ADAMTSL1: variants seen among roughly 807,000 people sequenced by gnomAD.
ADAMTSL1 encodes the protein ADAMTS like 1.
ADAMTSL1 carries 126 observed loss-of-function variants against 201.8 expected under a neutral mutation model. The observed-to-expected ratio is 0.62, with a 90% CI of 0.54 to 0.72. The LOEUF (loss-of-function observed/expected upper bound fraction) is 0.72, where lower values mean the gene tolerates loss of function less well. Among genes scored for constraint, ADAMTSL1 ranks in the 30% least tolerant of loss-of-function variants. ADAMTSL1 has a pLI of 0.00. For missense variants in ADAMTSL1, 2,679 were observed against 2,277.8 expected (o/e 1.18, Z -3.59); for synonymous variants, 1,121 against 903.4 (o/e 1.24, Z -4.32).
At chr9:18,648,659 C>T (rs563251956) in intron 7 of ADAMTSL1, among the ~76,000 whole-genome samples, 5 of 151,888 alleles carry the variant, frequency 3.3e-5, no homozygotes, top group African/African-American at 1.2e-4. Context: ...CTTAGTTTGG[C>T]TGGATATGAA....
chr9:18,298,381 T>A (rs1833557750), intron 2 of ADAMTSL1, among the ~76,000 whole-genome samples: 2 of 152,106 alleles, frequency 1.3e-5, no homozygotes, highest in Admixed American at 6.5e-5. Context: ...TGACAAAAAG[T>A]GTTCTTATCC....
At chr9:18,363,284 GC>G (rs1351017292) in intron 2 of ADAMTSL1, among the ~76,000 whole-genome samples, 1 of 152,360 alleles carries the variant, frequency 6.6e-6, no homozygotes, top group East Asian at 1.9e-4. Flanking sequence ...GTTGGCCATG[GC>G]TACTGTGATT....
chr9:18,523,552 T>G (rs1013445647), intron 2 of ADAMTSL1, among the ~76,000 whole-genome samples: 4 of 152,270 alleles, frequency 2.6e-5, no homozygotes, highest in Middle Eastern at 3.4e-3. Context: ...CTAGGTTTTC[T>G]TCTAGGGTTT....
At chr9:18,310,387 A>AC (rs1834092759) in intron 2 of ADAMTSL1, among the ~76,000 whole-genome samples, 9 of 142,850 alleles carry the variant, frequency 6.3e-5, no homozygotes, top group South Asian at 2.4e-4. Context: ...AAAAAAAAAA[A>AC]AAAAAAAAAA....
intron 2 of ADAMTSL1, among the ~76,000 whole-genome samples, chr9:18,329,348 T>C (rs900947095): frequency 1.3e-5 from 2 of 152,150 alleles, no homozygotes; most frequent in Non-Finnish European, 2.9e-5. Context: ...CAGACTAAAA[T>C]ACCTTCACAC....
intron 2 of ADAMTSL1, among the ~76,000 whole-genome samples, chr9:18,211,687 T>C (rs1829877584): frequency 6.6e-6 from 1 of 152,196 alleles, no homozygotes; most frequent in Non-Finnish European, 1.5e-5. Flanking sequence ...TCTTTTATTT[T>C]AGAAGAGAAT....
At chr9:18,032,043 G>A (rs892263070) in intron 1 of ADAMTSL1, among the ~76,000 whole-genome samples, 1 of 152,166 alleles carries the variant, frequency 6.6e-6, no homozygotes, top group African/African-American at 2.4e-5. Context: ...TCTTCCCTAG[G>A]AGCAGGCCCG....
At chr9:18,146,894 T>C (rs1042954921) in intron 1 of ADAMTSL1, among the ~76,000 whole-genome samples, 3 of 152,180 alleles carry the variant, frequency 2.0e-5, no homozygotes, top group Admixed American at 6.6e-5. Flanking sequence ...TATGGTGATT[T>C]AGTGCATTGC....
At chr9:18,306,168 C>T (rs551517696) in intron 2 of ADAMTSL1, among the ~76,000 whole-genome samples, 11 of 152,270 alleles carry the variant, frequency 7.2e-5, no homozygotes, top group African/African-American at 2.4e-4. Context: ...AAGACATCCA[C>T]ACATAAACCA....
intron 1 of ADAMTSL1, among the ~76,000 whole-genome samples, chr9:18,036,447 A>G (rs1821199430): frequency 6.6e-6 from 1 of 152,196 alleles, no homozygotes; most frequent in African/African-American, 2.4e-5. Flanking sequence ...AGAAATATGC[A>G]CTTGGTCAAA....
chr9:18,775,675 C>A (rs577750555), intron 17 of ADAMTSL1, 68 bp from the exon 18 acceptor site: 2 of 1,548,864 alleles, frequency 1.3e-6, no homozygotes, highest in African/African-American at 1.4e-5. Context: ...ATGAGTTTGA[C>A]AGTCTATTAA....
intron 19 of ADAMTSL1, among the ~76,000 whole-genome samples, chr9:18,792,761 T>C (rs1370369769): frequency 6.6e-6 from 1 of 152,244 alleles, no homozygotes; most frequent in Non-Finnish European, 1.5e-5. Flanking sequence ...TTAGCAATGA[T>C]ATTACATTAT....
intron 1 of ADAMTSL1, among the ~76,000 whole-genome samples, chr9:18,037,962 A>G (rs1442845978): frequency 6.8e-6 from 1 of 146,398 alleles, no homozygotes; most frequent in African/African-American, 2.5e-5. Context: ...TCTGGCATAT[A>G]TACCAAGAAT....
chr9:18,059,389 T>C (rs1212619232), intron 1 of ADAMTSL1, among the ~76,000 whole-genome samples: 1 of 152,232 alleles, frequency 6.6e-6, no homozygotes, highest in African/African-American at 2.4e-5. Context: ...TCATGTCATG[T>C]ATTTTGTGAA....
intron 2 of ADAMTSL1, among the ~76,000 whole-genome samples, chr9:18,510,331 A>G (rs961409907): frequency 1.3e-5 from 2 of 152,206 alleles, no homozygotes; most frequent in Admixed American, 1.3e-4. Context: ...AGTACAGAAC[A>G]TCCTCTCTGA....
intron 3 of ADAMTSL1, among the ~76,000 whole-genome samples, chr9:18,570,445 T>A (rs1163949756): frequency 6.6e-6 from 1 of 152,216 alleles, no homozygotes; most frequent in East Asian, 1.9e-4. Context: ...AATGGATGTC[T>A]TAAACTATGC....
At chr9:18,412,944 A>T (rs1461566518) in intron 2 of ADAMTSL1, among the ~76,000 whole-genome samples, 1 of 152,106 alleles carries the variant, frequency 6.6e-6, no homozygotes, top group Non-Finnish European at 1.5e-5. Flanking sequence ...ATCTATATCC[A>T]AGAGTGATGT....
chr9:18,546,109 C>T (rs1820451543), intron 3 of ADAMTSL1, among the ~76,000 whole-genome samples: 1 of 152,132 alleles, frequency 6.6e-6, no homozygotes, highest in African/African-American at 2.4e-5. Context: ...GCATTTTAAA[C>T]ATTCTCTTTC....
At chr9:18,716,494 C>G (rs1485414643) in intron 14 of ADAMTSL1, among the ~76,000 whole-genome samples, 2 of 151,916 alleles carry the variant, frequency 1.3e-5, no homozygotes, top group African/African-American at 4.8e-5. Context: ...AAAATGCTCA[C>G]CATCACTGGC....
Sources: allele counts gnomAD v4.1 joint callset (sites outside exome capture counted in the v4.1 genomes callset), GRCh38; gene constraint gnomAD v4.1.1; transcripts MANE v1.5; gene names NCBI Gene and HGNC (gene_info 2026-07-23, HGNC 2026-07-21).